The following OOEP variants were observed in gnomAD, a reference collection of about 807,000 sequenced individuals.
The protein encoded by OOEP is oocyte-expressed protein homolog.
Under a neutral mutation model 13.7 loss-of-function variants are expected in OOEP, and 16 were observed. That is an observed-to-expected ratio of 1.16 (90% CI 0.79 to 1.77). The LOEUF (loss-of-function observed/expected upper bound fraction) is 1.77, where lower values mean the gene tolerates loss of function less well. Among genes scored for constraint, OOEP ranks in the 40% most tolerant of loss-of-function variants. OOEP has a pLI of 0.00. For missense variants in OOEP, 195 were observed against 193.1 expected, an observed-to-expected ratio of 1.01 and a Z score of -0.06; for synonymous variants, 89 against 77.1, an observed-to-expected ratio of 1.15 and a Z score of -0.81.
intron 2 of OOEP, among the ~76,000 whole-genome samples, chr6:73,384,495 G>A (rs1377951730): frequency 6.6e-6 from 1 of 152,106 alleles, no homozygotes; most frequent in African/African-American, 2.4e-5. Context: ...AACAACTACA[G>A]ACCAATATTC....
intron 2 of OOEP, among the ~76,000 whole-genome samples, chr6:73,386,493 C>T (rs76158275): frequency 0.014 from 2,174 of 152,232 alleles, 105 homozygotes; most frequent in East Asian, 0.12. Flanking sequence ...AATACAAAAT[C>T]AATATACACA....
At chr6:73,373,295 T>G, upstream of OOEP, 1 of 1,571,952 alleles carries the variant, frequency 6.4e-7, no homozygotes, top group South Asian at 1.1e-5. Context: ...CACACCACGA[T>G]GGCGGAGAAA....
At chr6:73,375,186 T>A (rs954125703) in intron 2 of OOEP, among the ~76,000 whole-genome samples, 1 of 152,216 alleles carries the variant, frequency 6.6e-6, no homozygotes, top group Non-Finnish European at 1.5e-5. Flanking sequence ...TTTGGTTGTA[T>A]TTAAGGTGAA....
chr6:73,368,748 GA>G lies in OOEP; in HGVS notation c.*35del. ...TCTTCAACTTTAGCAGCAAAAGTTA[GA>G]AAGTTAAGATGTTCCCAACAGTAAC... On this transcript the variant is annotated 3_prime_UTR_variant, in exon 3 of 3. Coordinates refer to ENST00000370359, the MANE Select transcript of OOEP (RefSeq NM_001080507.3). The G allele has an allele frequency of 2.1e-6, 3 of 1,428,038 alleles. No homozygotes were observed. The highest frequency in any genetic ancestry group is 2.3e-5 in the South Asian group (2 of 86,830). 88.5% of individuals were successfully genotyped at this position (1,428,038 alleles called of 1,614,324 possible).
At chr6:73,394,858 G>A in exon 1 of OOEP, 8 of 1,600,934 alleles carry the variant, frequency 5.0e-6, no homozygotes, top group Non-Finnish European at 6.8e-6. Context: ...CGGTCAGGTG[G>A]TGCAGAGCTG....
intron 2 of OOEP, among the ~76,000 whole-genome samples, chr6:73,380,074 A>C (rs958948953): frequency 6.6e-6 from 1 of 152,142 alleles, no homozygotes; most frequent in Non-Finnish European, 1.5e-5. Context: ...ATCACTCATT[A>C]GTCGTTAGGA....
Position 73,369,868 on chromosome 6 carries a change from G to T in OOEP, c.-76C>A. The T allele has an allele frequency of 7.1e-7, 1 of 1,402,958 alleles. No individual in the cohort carries two copies. The highest frequency in any genetic ancestry group is 1.2e-5 in the South Asian group (1 of 80,310). The allele number at this position is 1,402,958 out of a possible 1,614,324, so 86.9% of individuals were successfully genotyped here. On this transcript the variant is annotated 5_prime_UTR_variant, in exon 1 of 3. Transcript: ENST00000370359. ...CTTCCAGACCCAGGCGCGAAGCTCGGGCTCTCTTTTACCATATTCGACCCG... is the reference window on the plus strand; with the variant it reads ...CTTCCAGACCCAGGCGCGAAGCTCGTGCTCTCTTTTACCATATTCGACCCG...
chr6:73,387,314 G>C (rs1375432089), intron 2 of OOEP, among the ~76,000 whole-genome samples: 2 of 151,956 alleles, frequency 1.3e-5, no homozygotes, highest in African/African-American at 4.8e-5. Flanking sequence ...TTTGAGACCA[G>C]TGTGGCCAAC....
chr6:73,392,907 G>A (rs1162737808), intron 2 of OOEP, among the ~76,000 whole-genome samples: 1 of 151,686 alleles, frequency 6.6e-6, no homozygotes, highest in African/African-American at 2.4e-5. Context: ...TGGGATTACA[G>A]GCATGAGCCA....
chr6:73,376,887 G>GGA (rs1425520421), intron 2 of OOEP, among the ~76,000 whole-genome samples: 1 of 152,062 alleles, frequency 6.6e-6, no homozygotes, highest in Non-Finnish European at 1.5e-5. Flanking sequence ...CCTGACCTCA[G>GGA]GTGATCCACC....
chr6:73,389,548 A>G (rs1440023436), intron 2 of OOEP, among the ~76,000 whole-genome samples: 1 of 152,162 alleles, frequency 6.6e-6, no homozygotes, highest in African/African-American at 2.4e-5. Context: ...CAAAAGGCTT[A>G]GGCTTAGGCT....
In OOEP at chr6:73,393,103, G is replaced by GA. The variant is rs55888271; in HGVS notation, c.25+1242dup. ...ACTGTGTTTGATGGATGATTGAACT[G>GA]AAAAAAAAAAAATTTTTTTTTTTTG... On this transcript the variant is annotated intron_variant, in intron 2 of 3. Coordinates refer to the OOEP transcript ENST00000370363. 6.5e-3 allele frequency among the ~76,000 whole-genome samples: 951 copies of GA among 146,014 alleles called. 15 individuals carry two copies. Among genetic ancestry groups the GA allele is most frequent in the African/African-American group, 0.022 (872 of 39,764 alleles).
intron 2 of OOEP, among the ~76,000 whole-genome samples, chr6:73,389,482 A>G (rs1769317625): frequency 6.6e-6 from 1 of 152,132 alleles, no homozygotes; most frequent in Non-Finnish European, 1.5e-5. Context: ...TTGCTTAGTG[A>G]ATGGTTTTCT....
At chr6:73,384,532 A>C (rs2150782301) in intron 2 of OOEP, among the ~76,000 whole-genome samples, 1 of 152,260 alleles carries the variant, frequency 6.6e-6, no homozygotes, top group South Asian at 2.1e-4. Context: ...CAAAAATCTT[A>C]AATAAAAAAT....
chr6:73,393,529 A>G (rs898806148), intron 2 of OOEP, among the ~76,000 whole-genome samples: 2 of 152,196 alleles, frequency 1.3e-5, no homozygotes, highest in Non-Finnish European at 2.9e-5. Context: ...AATCTATTCA[A>G]TTTATTTCCT....
intron 2 of OOEP, among the ~76,000 whole-genome samples, chr6:73,377,825 AC>A (rs1224308651): frequency 6.6e-6 from 1 of 152,050 alleles, no homozygotes; most frequent in Admixed American, 6.6e-5. Context: ...GTGCAACCAC[AC>A]CTAGCTAATA....
rs1016562823 is a variant in OOEP, at chr6:73,386,178, T to C, written c.25+8168A>G. On this transcript the variant is annotated intron_variant, in intron 2 of 3. Transcript: ENST00000370363. ...GGCGCGATGTTGGCTCACTGCAACC[T>C]CTGCCTCCCGGGTTCAAGCGATTCT... Among the ~76,000 whole-genome samples the C allele has an allele frequency of 4.7e-5, 7 of 150,034 alleles. No homozygotes were observed. In the Admixed American group the frequency reaches 4.7e-4, roughly 10 times the overall value.
chr6:73,376,344 G>GTTTTTTTTTTTTTTTTTTTTT (rs70994194), intron 2 of OOEP, among the ~76,000 whole-genome samples: 1 of 103,558 alleles, frequency 9.7e-6, no homozygotes, highest in Non-Finnish European at 1.9e-5. Context: ...ACAAGGGGTT[G>GTTTTTTTTTTTTTTTTTTTTT]TTTTTTTTTT....
upstream of OOEP, among the ~76,000 whole-genome samples, chr6:73,371,109 A>G (rs1165891983): frequency 6.6e-6 from 1 of 152,076 alleles, no homozygotes; most frequent in Non-Finnish European, 1.5e-5. Flanking sequence ...GCCAGCATAG[A>G]AGAAAAAACT....
Sources: allele counts gnomAD v4.1 joint callset (sites outside exome capture counted in the v4.1 genomes callset), GRCh38; gene constraint gnomAD v4.1.1; transcripts MANE v1.5; gene names NCBI Gene and HGNC (gene_info 2026-07-23, HGNC 2026-07-21).